The following CCSER1 variants were observed in gnomAD, a reference collection of about 807,000 sequenced individuals.
CCSER1 encodes coiled-coil serine rich protein 1.
A neutral mutation model predicts 82.0 loss-of-function variants in CCSER1; 41 were observed. That is an observed-to-expected ratio of 0.50 (90% confidence interval 0.39 to 0.65). The LOEUF is 0.65. CCSER1 is among the 30% of genes least tolerant of loss of function. The probability of loss-of-function intolerance (pLI) is 0.00; values close to 1 mark genes in which losing one functional copy is unlikely to be tolerated. For missense variants in CCSER1, 1,119 were observed against 1,064.2 expected (o/e 1.05, Z -0.72); for synonymous variants, 414 against 383.9 (o/e 1.08, Z -0.92).
At chr4:91,551,475 A>C (rs533707238) in intron 10 of CCSER1, among the ~76,000 whole-genome samples, 41 of 152,266 alleles carry the variant, frequency 2.7e-4, no homozygotes, top group African/African-American at 9.6e-4. Context: ...TATTTCTATT[A>C]GGGTTTTATT....
intron 3 of CCSER1, among the ~76,000 whole-genome samples, chr4:90,359,696 C>T (rs1208277418): frequency 6.6e-6 from 1 of 151,614 alleles, no homozygotes; most frequent in East Asian, 1.9e-4. Flanking sequence ...GACATGTCAC[C>T]ACTGCACTCC....
In CCSER1 at chr4:90,933,026, A is replaced by AAGAAAG. The variant is rs1315170944; in HGVS notation, c.2172+9581_2172+9586dup. Reference sequence around the variant, plus strand: ...AAAGAAAGAAAGAAAGAAAGAAAGAAAGAAAGAAAGAAAGAAAGAGAAGGA... The same window carrying AAGAAAG: ...AAAGAAAGAAAGAAAGAAAGAAAGAAAGAAAGAGAAAGAAAGAAAGAAAGAGAAGGA... On this transcript the variant is annotated intron_variant, in intron 9 of 10. Coordinates refer to ENST00000509176, the MANE Select transcript of CCSER1 (RefSeq NM_001145065.2). Among the ~76,000 whole-genome samples the AAGAAAG allele has an allele frequency of 3.1e-5, 3 of 96,308 alleles. 1 individual carries two copies. Among genetic ancestry groups the AAGAAAG allele is most frequent in the African/African-American group, 5.2e-5 (1 of 19,320 alleles). 63.2% of individuals were successfully genotyped at this position (96,308 alleles called of 152,430 possible).
At chr4:90,482,537 C>G (rs1427609532) in intron 5 of CCSER1, among the ~76,000 whole-genome samples, 7 of 152,214 alleles carry the variant, frequency 4.6e-5, no homozygotes, top group Non-Finnish European at 1.5e-5. Context: ...CTACACACTG[C>G]TTTGAATGTG....
intron 4 of CCSER1, among the ~76,000 whole-genome samples, chr4:90,434,389 T>C (rs999779954): frequency 6.6e-6 from 1 of 152,198 alleles, no homozygotes. Flanking sequence ...TTTCTACCTG[T>C]ATGTATTCTT....
chr4:90,568,582 A>G (rs1393920417), intron 5 of CCSER1, among the ~76,000 whole-genome samples: 1 of 152,162 alleles, frequency 6.6e-6, no homozygotes, highest in Non-Finnish European at 1.5e-5. Context: ...TAGGCAGCAT[A>G]TAGATGGCTC....
chr4:90,644,662 C>T (rs1727171120), intron 6 of CCSER1, among the ~76,000 whole-genome samples: 1 of 151,858 alleles, frequency 6.6e-6, no homozygotes, highest in African/African-American at 2.4e-5. Context: ...TGTTCCCCTC[C>T]CTCTGTCCAT....
chr4:91,068,894 G>T (rs1250094725), intron 9 of CCSER1, among the ~76,000 whole-genome samples: 1 of 151,998 alleles, frequency 6.6e-6, no homozygotes, highest in Non-Finnish European at 1.5e-5. Context: ...TTAAAATTTT[G>T]ATTTTTGGCC....
Position 90,663,150 on chromosome 4 carries a change from A to G in CCSER1, c.1932+34918A>G, listed in dbSNP as rs369330586. On this transcript the variant is annotated intron_variant, in intron 6 of 10. Coordinates refer to ENST00000509176, the MANE Select transcript of CCSER1 (RefSeq NM_001145065.2). ...TATTTTGATAGTAAAATAATGGTTTACTGTTTGAAACCTAGAGGAAAGAGA... is the reference window on the plus strand; with the variant it reads ...TATTTTGATAGTAAAATAATGGTTTGCTGTTTGAAACCTAGAGGAAAGAGA... Among the ~76,000 whole-genome samples the G allele has an allele frequency of 2.6e-5, 4 of 152,186 alleles. No individual in the cohort carries two copies. The East Asian group carries it at 5.8e-4, about 22-fold the overall frequency.
chr4:90,675,603 A>C, intron 6 of CCSER1, among the ~76,000 whole-genome samples: 1 of 73,546 alleles, frequency 1.4e-5, no homozygotes. Context: ...AAACTTTGTT[A>C]ACACACATGA....
intron 1 of CCSER1, among the ~76,000 whole-genome samples, chr4:90,225,424 T>G (rs955020782): frequency 1.1e-4 from 16 of 151,900 alleles, no homozygotes; most frequent in Admixed American, 2.0e-4. Flanking sequence ...AAAACAAAAA[T>G]GGAAAAACAA....
At chr4:91,274,321 G>C (rs914697839) in intron 10 of CCSER1, among the ~76,000 whole-genome samples, 10 of 152,030 alleles carry the variant, frequency 6.6e-5, no homozygotes, top group Admixed American at 6.6e-4. Flanking sequence ...TCCTTTCCTT[G>C]TGTCAGAACA....
At chr4:90,198,267 T>C (rs529480858) in intron 1 of CCSER1, among the ~76,000 whole-genome samples, 23 of 152,168 alleles carry the variant, frequency 1.5e-4, no homozygotes, top group Admixed American at 1.2e-3. Flanking sequence ...ATATGGCTGG[T>C]TCCCCTGGCA....
chr4:90,464,436 CT>C (rs1763352726), intron 4 of CCSER1, among the ~76,000 whole-genome samples: 1 of 152,206 alleles, frequency 6.6e-6, no homozygotes, highest in African/African-American at 2.4e-5. Context: ...TGATAAATGA[CT>C]TCTACTAGGT....
chr4:91,409,469 A>G (rs1578388284), intron 10 of CCSER1, among the ~76,000 whole-genome samples: 1 of 152,006 alleles, frequency 6.6e-6, no homozygotes, highest in African/African-American at 2.4e-5. Context: ...TTCAAATTTT[A>G]TTTTTAAGCC....
chr4:91,222,404 TTAAG>T (rs1222220303), intron 10 of CCSER1, among the ~76,000 whole-genome samples: 1 of 152,078 alleles, frequency 6.6e-6, no homozygotes, highest in African/African-American at 2.4e-5. Flanking sequence ...CAAAAGAGCT[TTAAG>T]TAAGAGAGGT....
At position 90,529,122 on chromosome 4, in the gene CCSER1, T is replaced by A. The variant is rs567562754; in HGVS notation, c.1724+60768T>A. On this transcript the variant is annotated intron_variant, in intron 5 of 10. Coordinates refer to ENST00000509176, the MANE Select transcript of CCSER1 (RefSeq NM_001145065.2). ...GAGAAAACAGAAATAATACCTATAA[T>A]CCTCTTTCTTCCAGATTTTATGTTG... is the stretch of plus-strand genomic sequence containing the variant. Among the ~76,000 whole-genome samples the A allele has an allele frequency of 9.8e-5, 15 of 152,320 alleles. No homozygotes were observed. The South Asian group carries it at 3.1e-3, about 32-fold the overall frequency.
At position 91,154,870 on chromosome 4, in the gene CCSER1, T is replaced by A. The variant is rs187277910; in HGVS notation, c.2217+68876T>A. On this transcript the variant is annotated intron_variant, in intron 10 of 10. Coordinates refer to ENST00000509176, the MANE Select transcript of CCSER1 (RefSeq NM_001145065.2). The stretch of plus-strand genomic sequence containing the variant: ...CTTTTGAACTGCTACATGTACTATA[T>A]TAAGGCAATCTCCCATTTACAGATG... Among the ~76,000 whole-genome samples the A allele has an allele frequency of 5.2e-4, 79 of 152,008 alleles. 3 individuals carry two copies. Among genetic ancestry groups the A allele is most frequent in the Non-Finnish European group, 1.0e-3 (68 of 67,912 alleles).
intron 7 of CCSER1, among the ~76,000 whole-genome samples, chr4:90,794,562 T>C (rs995016955): frequency 1.6e-4 from 24 of 152,228 alleles, no homozygotes; most frequent in African/African-American, 5.5e-4. Context: ...TTGGTTACTG[T>C]AGCCTGTATC....
intron 5 of CCSER1, among the ~76,000 whole-genome samples, chr4:90,533,259 T>A (rs1774852157): frequency 6.8e-6 from 1 of 146,808 alleles, no homozygotes; most frequent in Non-Finnish European, 1.5e-5. Flanking sequence ...GCCTGGCAAC[T>A]TTTTTTTTTG....
Sources: gnomAD v4.1 joint callset for allele counts (sites outside exome capture counted in the v4.1 genomes callset) on GRCh38, gnomAD v4.1.1 for gene constraint, MANE v1.5 for transcripts, NCBI Gene and HGNC (gene_info 2026-07-23, HGNC 2026-07-21) for gene names.